Variants in KCNC3 observed in about 807,000 individuals in gnomAD.
KCNC3 encodes the protein voltage-gated potassium channel KCNC3.
In KCNC3, 22 loss-of-function variants were observed where a neutral mutation model predicts 43.9. The ratio of observed to expected loss-of-function variants is 0.50; its 90% confidence interval spans 0.36 to 0.72. The LOEUF is 0.72. Ranked by LOEUF, KCNC3 falls within the 30% of genes least tolerant of loss-of-function variation. The probability of loss-of-function intolerance (pLI) is 0.00; values close to 1 mark genes in which losing one functional copy is unlikely to be tolerated. For missense variants in KCNC3, 829 were observed against 1,073.8 expected (o/e 0.77, Z 3.19); for synonymous variants, 492 against 488.0 (o/e 1.01, Z -0.11).
rs769400159 is a variant in KCNC3 at position 50,320,682 on chromosome 19, G to A, written c.2081C>T (p.Thr694Met). 9.9e-6 allele frequency: 16 copies of A among 1,613,758 alleles called. 1 individual carries two copies. Among genetic ancestry groups the A allele is most frequent in the African/African-American group, 9.3e-5 (7 of 74,876 alleles). Residue 694 changes from threonine (T) to methionine (M), a missense_variant, in exon 3 of 5, where the codon ACG (threonine) becomes ATG (methionine). Coordinates refer to ENST00000477616, the MANE Select transcript of KCNC3 (RefSeq NM_004977.3). ...GCTATAGCGGCCACGGCTTCCAGGC[G>A]TGATGGGGCTCTTGTCTTCCGGGGA... ...AMSPEDKSPI[T>M]PGSRGRYSRD...
In KCNC3 at chr19:50,320,691, CTCT is replaced by C. The variant is rs1215192865; in HGVS notation, c.2069_2071del (p.Lys690del). On this transcript the variant is annotated inframe_deletion, in exon 3 of 5. Coordinates refer to ENST00000477616, the MANE Select transcript of KCNC3 (RefSeq NM_004977.3). ...GCCACGGCTTCCAGGCGTGATGGGGCTCTTGTCTTCCGGGGACATGGCAGGCTG... is the reference window on the plus strand; with the variant it reads ...GCCACGGCTTCCAGGCGTGATGGGGCTGTCTTCCGGGGACATGGCAGGCTG... 2 of 1,613,846 alleles carry C rather than the reference CTCT, an allele frequency of 1.2e-6. No individual in the cohort carries two copies. Among genetic ancestry groups the C allele is most frequent in the South Asian group, 2.2e-5 (2 of 91,062 alleles).
intron 1 of KCNC3, among the ~76,000 whole-genome samples, chr19:50,327,540 G>A (rs2037121272): frequency 6.6e-6 from 1 of 152,082 alleles, no homozygotes; most frequent in African/African-American, 2.4e-5. Context: ...GACTCTGAGA[G>A]CAGAAGATAC....
chr19:50,318,952 C>T (rs769580780), intron 4 of KCNC3, among the ~76,000 whole-genome samples: 7 of 138,396 alleles, frequency 5.1e-5, no homozygotes, highest in Admixed American at 8.1e-5. Flanking sequence ...CGAGATTGCA[C>T]CATTGCACTC....
In KCNC3 at chr19:50,320,278, T is replaced by C; in HGVS notation, c.2242A>G (p.Asn748Asp). Residue 748 changes from asparagine to aspartate, a missense_variant, in exon 4 of 5, where the codon AAC becomes GAC. Around this residue, in one of 7 missense-constraint regions of KCNC3, gnomAD observed 308 missense variants for 276.2 expected, o/e 1.11. Coordinates refer to ENST00000477616, the MANE Select transcript of KCNC3 (RefSeq NM_004977.3). ...GATATCCAGGCCGCGGCGTTGGCGT[T>C]GAGGTCGGGCAAGAAGCTTGGGGGG... Reference protein sequence around the residue: ...PGPPSFLPDLNANAAAWISP With the variant: ...PGPPSFLPDLDANAAAWISP 3 of 941,714 alleles carry C rather than the reference T, an allele frequency of 3.2e-6. No individual in the cohort carries two copies. The highest frequency in any genetic ancestry group is 4.2e-6 in the Non-Finnish European group (3 of 721,884). The allele number at this position is 941,714 out of a possible 1,614,324, so 58.3% of individuals were successfully genotyped here.
At position 50,323,698 on chromosome 19, in the gene KCNC3, C is replaced by T. The variant is rs770686560; in HGVS notation, c.1255G>A (p.Val419Ile). 9 of 1,614,194 alleles carry T rather than the reference C, an allele frequency of 5.6e-6. No individual in the cohort carries two copies. The highest frequency in any genetic ancestry group is 7.6e-6 in the Non-Finnish European group (9 of 1,180,044). ...VLGFLRVVRF[V>I]RILRIFKLTR... is the part of the protein sequence containing the mutation. ...AGCTTGAAGATGCGCAGGATGCGGA[C>T]GAAGCGGACCACCCGCAGGAAGCCC... The change falls in exon 2 of 5, where the codon GTC becomes ATC. Residue 419 changes from valine (V) to isoleucine (I), a missense_variant. Coordinates refer to ENST00000477616, the MANE Select transcript of KCNC3 (RefSeq NM_004977.3).
upstream of KCNC3, among the ~76,000 whole-genome samples, chr19:50,330,018 G>T (rs1425616069): frequency 6.6e-6 from 1 of 152,192 alleles, no homozygotes; most frequent in Non-Finnish European, 1.5e-5. Context: ...TGTAACGCCA[G>T]CACTTTGCGA....
upstream of KCNC3, among the ~76,000 whole-genome samples, chr19:50,333,180 C>G (rs1453036694): frequency 6.6e-6 from 1 of 152,120 alleles, no homozygotes; most frequent in Non-Finnish European, 1.5e-5. Flanking sequence ...CCCCCTCCCC[C>G]GTACTCACCC....
At chr19:50,318,347 G>A (rs2036984007) in intron 4 of KCNC3, among the ~76,000 whole-genome samples, 1 of 151,560 alleles carries the variant, frequency 6.6e-6, no homozygotes, top group African/African-American at 2.4e-5. Flanking sequence ...GCTAATTTTT[G>A]TATTTTTAGT....
Position 50,314,595 on chromosome 19 carries a change from T to G in KCNC3, c.*1520A>C. 3.1e-6 allele frequency: 1 copy of G among 318,858 alleles called. No homozygotes were observed. The allele number at this position is 318,858 out of a possible 1,614,324, so 19.8% of individuals were successfully genotyped here. ...AAGTTGATGGCAGGGGGATGTCCTA[T>G]GGCTCGTGGAGACCTGAGAAGGCTT... On this transcript the variant is annotated 3_prime_UTR_variant, in exon 5 of 5. Coordinates refer to ENST00000477616, the MANE Select transcript of KCNC3 (RefSeq NM_004977.3).
At position 50,313,890 on chromosome 19, in the gene KCNC3, G is replaced by C. The variant is rs1272509024; in HGVS notation, c.*2225C>G. 6.6e-6 allele frequency: 1 copy of C among 151,822 alleles called. No individual in the cohort carries two copies. Among genetic ancestry groups the C allele is most frequent in the Non-Finnish European group, 1.5e-5 (1 of 67,980 alleles). The allele number at this position is 151,822 out of a possible 1,614,324, so 9.4% of individuals were successfully genotyped here. A position where few individuals can be genotyped will look rare whatever the true frequency, so the allele number is the denominator to read the frequency against. On this transcript the variant is annotated 3_prime_UTR_variant, in exon 5 of 5. Coordinates refer to ENST00000477616, the MANE Select transcript of KCNC3 (RefSeq NM_004977.3). ...GTGGCAGGAGTGGGGAGGGAGGGTG[G>C]TTCAGGGAGCCTCTGTGTGCAGAGG...
rs2037154847 is a variant in KCNC3 at position 50,329,318 on chromosome 19, CTCTT to C, written c.-240_-237del. 1 of 181,780 alleles carries C rather than the reference CTCTT, an allele frequency of 5.5e-6. No individual in the cohort carries two copies. 11.3% of individuals were successfully genotyped at this position (181,780 alleles called of 1,614,324 possible). ...GCCGCCAATGAGACGGAGCGATTGG[CTCTT>C]TCTAAGAGAGCAGGGAGGAGGGGCG... On this transcript the variant is annotated 5_prime_UTR_variant, in exon 1 of 5. Transcript: ENST00000477616.
Position 50,313,360 on chromosome 19 carries a change from C to G in KCNC3, c.*2755G>C, listed in dbSNP as rs569677819. On this transcript the variant is annotated 3_prime_UTR_variant, in exon 5 of 5. Transcript: ENST00000477616. ...GGAAACACTCTTAACCTAAATAAAC[C>G]GTGTCCTAGCCAAGCAGCGATGCCT... 1.3e-5 allele frequency: 2 copies of G among 152,190 alleles called. No individual in the cohort carries two copies. Among genetic ancestry groups the G allele is most frequent in the Non-Finnish European group, 2.9e-5 (2 of 68,034 alleles). The allele number at this position is 152,190 out of a possible 1,614,324, so 9.4% of individuals were successfully genotyped here.
chr19:50,313,370 C>T lies in KCNC3; in HGVS notation c.*2745G>A, dbSNP rs1160337164. On this transcript the variant is annotated 3_prime_UTR_variant, in exon 5 of 5. Coordinates refer to ENST00000477616, the MANE Select transcript of KCNC3 (RefSeq NM_004977.3). ...TTAACCTAAATAAACCGTGTCCTAG[C>T]CAAGCAGCGATGCCTGCACTTATCG... The T allele has an allele frequency of 6.6e-6, 1 of 152,240 alleles. No homozygotes were observed. Among genetic ancestry groups the T allele is most frequent in the East Asian group, 1.9e-4 (1 of 5,190 alleles). The allele number at this position is 152,240 out of a possible 1,614,324, so 9.4% of individuals were successfully genotyped here. A position where few individuals can be genotyped will look rare whatever the true frequency, so the allele number is the denominator to read the frequency against.
At chr19:50,316,701 A>G (rs1601092523) in intron 4 of KCNC3, among the ~76,000 whole-genome samples, 1 of 151,986 alleles carries the variant, frequency 6.6e-6, no homozygotes, top group South Asian at 2.1e-4. Context: ...GCGCCACTGC[A>G]CTCCAGCCTG....
chr19:50,322,195 C>G (rs535880923), intron 2 of KCNC3, among the ~76,000 whole-genome samples: 1 of 152,164 alleles, frequency 6.6e-6, no homozygotes, highest in South Asian at 2.1e-4. Flanking sequence ...ACTCCCAAGC[C>G]ACTGCCTCTG....
rs542480753 is a variant in KCNC3, at chr19:50,322,159, G to C, written c.1978+816C>G. Among the ~76,000 whole-genome samples the C allele has an allele frequency of 5.9e-5, 9 of 151,912 alleles. No individual in the cohort carries two copies. The East Asian group carries it at 1.3e-3, about 23-fold the overall frequency. ...CTTAAGGCGGGGCAGTGCAGGGGGG[G>C]GCCACCAGCCTCTCCTTCCTCCTAG... is the stretch of plus-strand genomic sequence containing the variant. On this transcript the variant is annotated intron_variant, in intron 2 of 4. Transcript: ENST00000477616.
intron 2 of KCNC3, 42 bp from the exon 3 acceptor site, chr19:50,320,826 T>C: frequency 6.3e-7 from 1 of 1,592,350 alleles, no homozygotes; most frequent in Non-Finnish European, 8.6e-7. Context: ...AAGGAGAGAG[T>C]GAGGTGCGGT....
Position 50,324,140 on chromosome 19 carries a change from T to A in KCNC3, c.871-58A>T. The A allele has an allele frequency of 1.3e-6, 2 of 1,512,216 alleles. No homozygotes were observed. The highest frequency in any genetic ancestry group is 1.8e-6 in the Non-Finnish European group (2 of 1,127,584). 93.7% of individuals were successfully genotyped at this position (1,512,216 alleles called of 1,614,324 possible). The stretch of plus-strand genomic sequence containing the variant: ...GGTGACCTAGGCATCAGGTTGGCCA[T>A]AACATCCAGAAGACCCTTCCAGTGC... On this transcript the variant is annotated intron_variant, in intron 1 of 4. Transcript: ENST00000477616. The surrounding 1 kb of genome is among the most constrained non-coding windows in gnomAD (Gnocchi z 4.1).
chr19:50,329,089 GGGGGCGGGGCGGGA>G lies in KCNC3; in HGVS notation c.-21_-8del, dbSNP rs1348533636. 23 of 1,013,060 alleles carry G rather than the reference GGGGGCGGGGCGGGA, an allele frequency of 2.3e-5. No individual in the cohort carries two copies. Among genetic ancestry groups the G allele is most frequent in the Non-Finnish European group, 2.5e-5 (19 of 757,988 alleles). 62.8% of individuals were successfully genotyped at this position (1,013,060 alleles called of 1,614,324 possible). A position where few individuals can be genotyped will look rare whatever the true frequency, so the allele number is the denominator to read the frequency against. Reference sequence around the variant, plus strand: ...CGCAGACTGAGCTCAGCATTGGACGGGGGGCGGGGCGGGAGGGGCGGGGACGCAGGGGCGGGGAC... The same window carrying G: ...CGCAGACTGAGCTCAGCATTGGACGGGGGGCGGGGACGCAGGGGCGGGGAC... On this transcript the variant is annotated 5_prime_UTR_variant, in exon 1 of 5. Coordinates refer to ENST00000477616, the MANE Select transcript of KCNC3 (RefSeq NM_004977.3).
Sources: gnomAD v4.1 joint callset for allele counts (sites outside exome capture counted in the v4.1 genomes callset) on GRCh38, gnomAD v4.1.1 for gene constraint, gnomAD v4.1.1 regional missense constraint, Gnocchi (gnomAD v3.1) non-coding constraint, MANE v1.5 for transcripts, NCBI Gene and HGNC (gene_info 2026-07-23, HGNC 2026-07-21) for gene names.